KAT6A: variants seen among roughly 807,000 people sequenced by gnomAD.
KAT6A encodes the protein histone acetyltransferase KAT6A.
Under a neutral mutation model 198.4 loss-of-function variants are expected in KAT6A, and 9 were observed. The observed-to-expected ratio is 0.05, with a 90% CI of 0.03 to 0.08. The LOEUF is 0.08. Among genes scored for constraint, KAT6A ranks in the 10% least tolerant of loss-of-function variants. The probability of loss-of-function intolerance (pLI) is 1.00; values close to 1 mark genes in which losing one functional copy is unlikely to be tolerated. For synonymous variants in KAT6A, 890 were observed against 883.0 expected (o/e 1.01, Z -0.14); for missense variants, 2,077 against 2,509.9 (o/e 0.83, Z 3.69).
Position 41,933,600 on chromosome 8 carries a change from G to A in KAT6A, c.4620C>T (p.Asp1540=), listed in dbSNP as rs1238833616. Reference sequence around the variant, plus strand: ...CGCTGTCCACCACCTGCTGAGAGTGGTCTGATACGGAAGGCACATCCATCA... The same window carrying A: ...CGCTGTCCACCACCTGCTGAGAGTGATCTGATACGGAAGGCACATCCATCA... ...SPMMDVPSVS[D]HSQQVVDSGF... The change falls in exon 17 of 17, where the codon GAC becomes GAT. Residue 1540 remains aspartate, a synonymous_variant. Transcript: ENST00000265713. The surrounding 1 kb of genome is among the most constrained non-coding windows in gnomAD (Gnocchi z 6.2). The A allele has an allele frequency of 1.9e-6, 3 of 1,614,032 alleles. No homozygotes were observed. The highest frequency in any genetic ancestry group is 2.5e-6 in the Non-Finnish European group (3 of 1,180,048).
intron 2 of KAT6A, among the ~76,000 whole-genome samples, chr8:42,021,085 T>G (rs1179904055): frequency 1.3e-5 from 2 of 152,088 alleles, no homozygotes; most frequent in African/African-American, 4.8e-5. Context: ...TACTTCCAAA[T>G]AGGGCCAAAC....
chr8:42,025,580 C>T (rs980340303), intron 2 of KAT6A, among the ~76,000 whole-genome samples: 1 of 152,072 alleles, frequency 6.6e-6, no homozygotes, highest in Non-Finnish European at 1.5e-5. Context: ...CTATTCAGAT[C>T]CTTTGCCAAC....
rs1822123506 is a variant in KAT6A at position 41,941,363 on chromosome 8, G to A, written c.2518C>T (p.Pro840Ser). The A allele has an allele frequency of 6.2e-7, 1 of 1,611,824 alleles. No individual in the cohort carries two copies. The highest frequency in any genetic ancestry group is 1.1e-5 in the South Asian group (1 of 91,062). The change falls in exon 15 of 17, where the codon CCA becomes TCA. Residue 840 changes from proline (P) to serine (S), a missense_variant. Physicochemically the swap from Pro to Ser is moderately conservative, Grantham distance 74 (BLOSUM62 -1). Transcript: ENST00000265713. ...ESEKKPEVMA[P>S]VSSTRLSKQV... ...TTGCTCAAACGTGTAGAACTGACTG[G>A]AGCCATAACTTCTGGTTTCTTTTCA... is the stretch of plus-strand genomic sequence containing the variant.
rs1338114859 is a variant in KAT6A, at chr8:41,943,861, G to C, written c.2115C>G (p.His705Gln). The change falls in exon 13 of 17, where the codon CAC (histidine) becomes CAG (glutamine). Residue 705 changes from histidine to glutamine, a missense_variant. This residue lies in a region of KAT6A where 127 missense variants were observed against 209.6 expected (regional missense o/e 0.61). Coordinates refer to ENST00000265713, the MANE Select transcript of KAT6A (RefSeq NM_006766.5). The part of the protein sequence containing the change: ...WKSVILECLY[H>Q]QNDKQISIKK... ...TAATGCTGATCTGCTTGTCATTTTGGTGATAAAGGCACTCCAATATTACAC... is the reference window on the plus strand; with the variant it reads ...TAATGCTGATCTGCTTGTCATTTTGCTGATAAAGGCACTCCAATATTACAC... 1.2e-6 allele frequency: 2 copies of C among 1,613,662 alleles called. No homozygotes were observed. Among genetic ancestry groups the C allele is most frequent in the Non-Finnish European group, 1.7e-6 (2 of 1,179,912 alleles).
chr8:41,981,163 C>A (rs1418984391), intron 4 of KAT6A, among the ~76,000 whole-genome samples: 3 of 149,560 alleles, frequency 2.0e-5, no homozygotes, highest in Non-Finnish European at 4.4e-5. Context: ...ACTAAAAATA[C>A]AAAAATTAGA....
intron 2 of KAT6A, among the ~76,000 whole-genome samples, chr8:42,009,518 G>C (rs896308258): frequency 6.6e-6 from 1 of 151,588 alleles, no homozygotes; most frequent in Non-Finnish European, 1.5e-5. Context: ...ACCCTGAGAC[G>C]ACTAATGGGT....
chr8:41,970,785 C>T (rs922227617), intron 8 of KAT6A, among the ~76,000 whole-genome samples: 13 of 152,202 alleles, frequency 8.5e-5, no homozygotes, highest in East Asian at 1.9e-4. Context: ...ATGTTTATTG[C>T]GGCACTATTC....
At position 42,037,418 on chromosome 8, in the gene KAT6A, C is replaced by T. The variant is rs557272299; in HGVS notation, c.600+10960G>A. ...ACACACAAAAATAGTAATAATGTTT[C>T]TGAGAGTTCTGTTAAAGGTTCTAGA... is the stretch of plus-strand genomic sequence containing the variant. On this transcript the variant is annotated intron_variant, in intron 2 of 16. Coordinates refer to ENST00000265713, the MANE Select transcript of KAT6A (RefSeq NM_006766.5). 2.0e-5 allele frequency among the ~76,000 whole-genome samples: 3 copies of T among 152,246 alleles called. No individual in the cohort carries two copies. In the South Asian group the frequency reaches 6.2e-4, roughly 32 times the overall value.
In KAT6A at chr8:41,940,857, G is replaced by A; in HGVS notation, c.3024C>T (p.Pro1008=). Residue 1008 remains proline, a synonymous_variant, in exon 15 of 17, where the codon CCC becomes CCT. Transcript: ENST00000265713. ...RSSSPPILTK[P]TLKRKKPFLH... ...AATGCGTTACCTTTCGCTTCAGCGT[G>A]GGCTTTGTGAGAATTGGTGGCGAGC... is the stretch of plus-strand genomic sequence containing the variant. 2 of 1,611,520 alleles carry A rather than the reference G, an allele frequency of 1.2e-6. No individual in the cohort carries two copies. The highest frequency in any genetic ancestry group is 1.7e-6 in the Non-Finnish European group (2 of 1,179,418).
At chr8:41,999,131 A>G (rs2150901304) in intron 2 of KAT6A, among the ~76,000 whole-genome samples, 1 of 152,298 alleles carries the variant, frequency 6.6e-6, no homozygotes, top group Admixed American at 6.5e-5. Flanking sequence ...GGAAATTCAG[A>G]TAAGAAATCA....
intron 2 of KAT6A, among the ~76,000 whole-genome samples, chr8:42,013,524 C>T (rs561564795): frequency 4.6e-5 from 7 of 152,324 alleles, no homozygotes; most frequent in South Asian, 4.1e-4. Flanking sequence ...TAAGCCACCA[C>T]GCCCGGCCTT....
At position 42,007,879 on chromosome 8, in the gene KAT6A, G is replaced by A. The variant is rs371094817; in HGVS notation, c.601-20316C>T. Among the ~76,000 whole-genome samples, 18 of 148,280 alleles carry A rather than the reference G, an allele frequency of 1.2e-4. No individual in the cohort carries two copies. The East Asian group carries it at 2.2e-3, about 18-fold the overall frequency. On this transcript the variant is annotated intron_variant, in intron 2 of 16. Coordinates refer to ENST00000265713, the MANE Select transcript of KAT6A (RefSeq NM_006766.5). Reference sequence around the variant, plus strand: ...CAGGAGGCTGAGGCAGGAGAATGGCGTGAACCAGGGAGGCGGAGCTTGCAG... The same window carrying A: ...CAGGAGGCTGAGGCAGGAGAATGGCATGAACCAGGGAGGCGGAGCTTGCAG...
At position 41,942,969 on chromosome 8, in the gene KAT6A, G is replaced by T. The variant is rs1236478014; in HGVS notation, c.2260C>A (p.Gln754Lys). ...FVIIRREKLIQDHMAKLQLNL... is the reference protein window; with the variant it reads ...FVIIRREKLIKDHMAKLQLNL... ...AGCTGAAGCTTTGCCATGTGATCCTGGATAAGTTTTTCCCGGCGGATAATC... is the reference window on the plus strand; with the variant it reads ...AGCTGAAGCTTTGCCATGTGATCCTTGATAAGTTTTTCCCGGCGGATAATC... The change falls in exon 14 of 17, where the codon CAG (glutamine) becomes AAG (lysine). Residue 754 changes from glutamine (Q) to lysine (K), a missense_variant. Physicochemically the swap from Gln to Lys is moderately conservative, Grantham distance 53 (BLOSUM62 1). Transcript: ENST00000265713. 2 of 1,614,130 alleles carry T rather than the reference G, an allele frequency of 1.2e-6. No individual in the cohort carries two copies. Among genetic ancestry groups the T allele is most frequent in the South Asian group, 1.1e-5 (1 of 91,072 alleles).
rs773517227 is a variant in KAT6A, at chr8:41,942,832, G to C, written c.2397C>G (p.Asn799Lys). ...CTCTTTCCTGGCACTGTGGCTCTTCGTTTTCTCCTTCCTCAGCCTCCTCTT... is the reference window on the plus strand; with the variant it reads ...CTCTTTCCTGGCACTGTGGCTCTTCCTTTTCTCCTTCCTCAGCCTCCTCTT... Reference protein sequence around the residue: ...EEEEEAEEGENEEPQCQEREL... With the variant: ...EEEEEAEEGEKEEPQCQEREL... Residue 799 changes from asparagine to lysine, a missense_variant, in exon 14 of 17, where the codon AAC (asparagine) becomes AAG (lysine). Physicochemically the swap from Asn to Lys is moderately conservative, Grantham distance 94. Around this residue, in one of 13 missense-constraint regions of KAT6A, gnomAD observed 301 missense variants for 272.2 expected, o/e 1.11. Transcript: ENST00000265713. 11 of 1,613,892 alleles carry C rather than the reference G, an allele frequency of 6.8e-6. No individual in the cohort carries two copies. Among genetic ancestry groups the C allele is most frequent in the Non-Finnish European group, 8.5e-7 (1 of 1,179,996 alleles).
chr8:41,975,942 C>G (rs1824028420), intron 7 of KAT6A, among the ~76,000 whole-genome samples: 1 of 152,166 alleles, frequency 6.6e-6, no homozygotes. Flanking sequence ...AAACGGATTG[C>G]ATATTTTCTT....
At chr8:42,023,651 C>A (rs773537845) in intron 2 of KAT6A, among the ~76,000 whole-genome samples, 6 of 151,854 alleles carry the variant, frequency 4.0e-5, no homozygotes, top group Non-Finnish European at 8.8e-5. Flanking sequence ...CCATGTCCAG[C>A]TAATTTTTGT....
chr8:41,931,720 T>C lies in KAT6A; in HGVS notation c.*485A>G. On this transcript the variant is annotated 3_prime_UTR_variant, in exon 17 of 17. Transcript: ENST00000265713. ...CCCATCCGAGTCTCCCCTAAGTGCC[T>C]CCTGCTGGAATGAAGTAGGAAATGA... is the stretch of plus-strand genomic sequence containing the variant. 5.1e-6 allele frequency: 1 copy of C among 194,252 alleles called. No homozygotes were observed. The highest frequency in any genetic ancestry group is 1.1e-5 in the Non-Finnish European group (1 of 92,914). The allele number at this position is 194,252 out of a possible 1,614,324, so 12.0% of individuals were successfully genotyped here.
In KAT6A at chr8:41,930,000, T is replaced by A. The variant is rs1484096084; in HGVS notation, c.*2205A>T. 3 of 222,342 alleles carry A rather than the reference T, an allele frequency of 1.3e-5. No homozygotes were observed. Among genetic ancestry groups the A allele is most frequent in the African/African-American group, 6.7e-5 (3 of 44,690 alleles). The allele number at this position is 222,342 out of a possible 1,614,324, so 13.8% of individuals were successfully genotyped here. A position where few individuals can be genotyped will look rare whatever the true frequency, so the allele number is the denominator to read the frequency against. The stretch of plus-strand genomic sequence containing the variant: ...TTTTTTTTAAACAGAAGTGAAAAAA[T>A]GACAGGTACCAATATTACTGTGTTG... On this transcript the variant is annotated 3_prime_UTR_variant, in exon 17 of 17. Transcript: ENST00000265713.
intron 2 of KAT6A, among the ~76,000 whole-genome samples, chr8:42,023,796 T>C (rs1203958223): frequency 2.0e-5 from 3 of 151,134 alleles, no homozygotes; most frequent in Admixed American, 2.0e-4. Flanking sequence ...CTACTTACTT[T>C]ATATCCTTAT....
Sources: allele counts gnomAD v4.1 joint callset (sites outside exome capture counted in the v4.1 genomes callset), GRCh38; gene constraint gnomAD v4.1.1; regional missense constraint gnomAD v4.1.1; non-coding constraint Gnocchi (gnomAD v3.1); transcripts MANE v1.5; gene names NCBI Gene and HGNC (gene_info 2026-07-23, HGNC 2026-07-21).